The following CSMD2 variants were observed in gnomAD, a reference collection of about 807,000 sequenced individuals.
CSMD2 encodes the protein CUB and Sushi multiple domains 2, also known as CUB and sushi domain-containing protein 2.
CSMD2 carries 130 observed loss-of-function variants against 398.5 expected under a neutral mutation model. The observed-to-expected ratio is 0.33, with a 90% confidence interval of 0.28 to 0.38. The LOEUF (loss-of-function observed/expected upper bound fraction) is 0.38. Ranked by LOEUF, CSMD2 falls within the 10% of genes least tolerant of loss-of-function variation. The pLI is 1.00. For missense variants in CSMD2, 3,829 were observed against 4,764.9 expected (o/e 0.80, Z 5.78); for synonymous variants, 1,828 against 1,908.5 (o/e 0.96, Z 1.10).
intron 22 of CSMD2, among the ~76,000 whole-genome samples, chr1:33,708,490 C>T (rs1390519454): frequency 6.6e-6 from 1 of 152,110 alleles, no homozygotes; most frequent in Non-Finnish European, 1.5e-5. Flanking sequence ...CAAATGAACA[C>T]ACACATGCAT....
chr1:33,872,568 C>T (rs1186623547), intron 5 of CSMD2, among the ~76,000 whole-genome samples: 6 of 152,060 alleles, frequency 3.9e-5, no homozygotes, highest in Admixed American at 3.9e-4. Flanking sequence ...TTTCAAGAGG[C>T]TCAGGTTGAA....
rs1644851592 is a variant in CSMD2, at chr1:33,946,767, C to T, written c.518-10813G>A. ...CTGAGTAACTGGGATTACAGGCGCG[C>T]ACCACCCACCATGTCCAGCTAACTT... On this transcript the variant is annotated intron_variant, in intron 3 of 70. Transcript: ENST00000373381. Among the ~76,000 whole-genome samples, 5 of 118,936 alleles carry T rather than the reference C, an allele frequency of 4.2e-5. No individual in the cohort carries two copies. In the South Asian group the frequency reaches 1.2e-3, roughly 29 times the overall value. 78.0% of individuals were successfully genotyped at this position (118,936 alleles called of 152,430 possible). A position where few individuals can be genotyped will look rare whatever the true frequency, so the allele number is the denominator to read the frequency against.
At chr1:33,808,220 G>T (rs999176287) in intron 10 of CSMD2, among the ~76,000 whole-genome samples, 3 of 151,972 alleles carry the variant, frequency 2.0e-5, no homozygotes, top group Non-Finnish European at 4.4e-5. Context: ...GATTGATGAA[G>T]AAGACAAGAA....
At chr1:33,541,763 A>G (rs998257914) in intron 58 of CSMD2, among the ~76,000 whole-genome samples, 2 of 152,252 alleles carry the variant, frequency 1.3e-5, no homozygotes, top group Non-Finnish European at 2.9e-5. Flanking sequence ...AAGAGGAAGT[A>G]TCCAGAGGGC....
chr1:34,024,814 G>A (rs1319540031), intron 3 of CSMD2, among the ~76,000 whole-genome samples: 3 of 152,200 alleles, frequency 2.0e-5, no homozygotes, highest in Admixed American at 2.0e-4. Context: ...ATATATATGT[G>A]ATCAAATGGC....
At chr1:33,661,570 T>C (rs918476974) in intron 26 of CSMD2, among the ~76,000 whole-genome samples, 1 of 152,238 alleles carries the variant, frequency 6.6e-6, no homozygotes, top group Non-Finnish European at 1.5e-5. Context: ...CACTTGATCA[T>C]GCAAACTTCT....
At position 33,717,679 on chromosome 1, in the gene CSMD2, T is replaced by G. The variant is rs904251519; in HGVS notation, c.3002-1178A>C. On this transcript the variant is annotated intron_variant, in intron 19 of 70. Transcript: ENST00000373381. ...GAGGTAGATTTGAGTCACCAGCAAA[T>G]AGTTGATATCTGAAGCCACAAGCAA... Among the ~76,000 whole-genome samples, 5 of 151,320 alleles carry G rather than the reference T, an allele frequency of 3.3e-5. 1 individual carries two copies. The South Asian group carries it at 1.0e-3, about 32-fold the overall frequency.
At chr1:33,638,232 G>C (rs1035246538) in intron 29 of CSMD2, among the ~76,000 whole-genome samples, 1 of 152,188 alleles carries the variant, frequency 6.6e-6, no homozygotes, top group Non-Finnish European at 1.5e-5. Flanking sequence ...CATATGCCTA[G>C]TGTCTCTGGC....
At chr1:34,061,634 T>C (rs1654519368) in intron 2 of CSMD2, among the ~76,000 whole-genome samples, 2 of 152,236 alleles carry the variant, frequency 1.3e-5, no homozygotes, top group African/African-American at 4.8e-5. Flanking sequence ...CACAGAGTTC[T>C]TGTAAGACTT....
intron 1 of CSMD2, among the ~76,000 whole-genome samples, chr1:34,125,275 G>A (rs1417079001): frequency 2.6e-5 from 4 of 152,226 alleles, no homozygotes; most frequent in African/African-American, 9.6e-5. Flanking sequence ...CACAGAAGCT[G>A]AGGCAGGTAG....
chr1:33,582,997 T>C (rs1366244629), intron 47 of CSMD2, among the ~76,000 whole-genome samples: 1 of 152,240 alleles, frequency 6.6e-6, no homozygotes, highest in Admixed American at 6.5e-5. Context: ...ATGTTACTTC[T>C]CCTGCTCTCT....
At chr1:33,908,085 CAAAAA>C (rs35932181) in intron 5 of CSMD2, among the ~76,000 whole-genome samples, 6 of 77,160 alleles carry the variant, frequency 7.8e-5, no homozygotes, top group East Asian at 4.0e-4. Context: ...GACTCCATCT[CAAAAA>C]AAAAAAAAAA....
intron 25 of CSMD2, among the ~76,000 whole-genome samples, chr1:33,685,010 G>A (rs1302046224): frequency 6.6e-6 from 1 of 152,262 alleles, no homozygotes; most frequent in East Asian, 1.9e-4. Flanking sequence ...CTTTTTCCCT[G>A]CCAGGCATGG....
intron 1 of CSMD2, among the ~76,000 whole-genome samples, chr1:34,095,827 A>C (rs1322748596): frequency 6.6e-6 from 1 of 151,542 alleles, no homozygotes; most frequent in Non-Finnish European, 1.5e-5. Context: ...ATTCTACCAG[A>C]GGTACAAGGA....
At position 34,164,455 on chromosome 1, in the gene CSMD2, G is replaced by A. The variant is rs1641677465; in HGVS notation, c.187+456C>T. Among the ~76,000 whole-genome samples the A allele has an allele frequency of 6.6e-6, 1 of 152,076 alleles. No homozygotes were observed. Among genetic ancestry groups the A allele is most frequent in the South Asian group, 2.1e-4 (1 of 4,830 alleles). On this transcript the variant is annotated intron_variant, in intron 1 of 70. Coordinates refer to ENST00000373381, the MANE Select transcript of CSMD2 (RefSeq NM_001281956.2). The surrounding 1 kb of genome is among the most constrained non-coding windows in gnomAD (Gnocchi z 6.2). ...GGGAAGGGCAGACCTTGCAGACGCA[G>A]AAATGGGGAGGGGGCGCACGGTTCC...
At chr1:33,914,934 A>C (rs1038508175) in intron 5 of CSMD2, among the ~76,000 whole-genome samples, 2 of 152,238 alleles carry the variant, frequency 1.3e-5, no homozygotes, top group Non-Finnish European at 2.9e-5. Context: ...AAAAATGACC[A>C]ATCCTATGTT....
chr1:33,700,078 G>A (rs1188609872), intron 23 of CSMD2, among the ~76,000 whole-genome samples: 2 of 151,144 alleles, frequency 1.3e-5, no homozygotes. Flanking sequence ...GCGCAATCTC[G>A]GCTCACTGCA....
At chr1:33,735,402 A>G (rs1646852940) in intron 15 of CSMD2, among the ~76,000 whole-genome samples, 1 of 152,176 alleles carries the variant, frequency 6.6e-6, no homozygotes, top group Admixed American at 6.5e-5. Context: ...AGTGTAGGGG[A>G]GAGAAAGTCA....
At chr1:33,775,629 T>C (rs1159746046) in intron 12 of CSMD2, among the ~76,000 whole-genome samples, 1 of 152,210 alleles carries the variant, frequency 6.6e-6, no homozygotes, top group Non-Finnish European at 1.5e-5. Context: ...GGTATAGGTC[T>C]GAATGGAGGG....
Sources: gnomAD v4.1 joint callset for allele counts (sites outside exome capture counted in the v4.1 genomes callset) on GRCh38, gnomAD v4.1.1 for gene constraint, Gnocchi (gnomAD v3.1) non-coding constraint, MANE v1.5 for transcripts, NCBI Gene and HGNC (gene_info 2026-07-23, HGNC 2026-07-21) for gene names.